Variants in FSHR observed in about 807,000 individuals in gnomAD.
FSHR encodes the protein follicle stimulating hormone receptor.
In FSHR, 46 loss-of-function variants were observed where a neutral mutation model predicts 52.1. The ratio of observed to expected loss-of-function variants is 0.88; its 90% CI spans 0.70 to 1.13. FSHR has a LOEUF of 1.13. Among genes scored for constraint, FSHR ranks in the 50% most tolerant of loss-of-function variants. The pLI, the probability that FSHR is intolerant of heterozygous loss-of-function variation, is 0.00. For synonymous variants in FSHR, 399 were observed against 309.6 expected, an observed-to-expected ratio of 1.29 and a Z score of -3.03; for missense variants, 964 against 834.6, an observed-to-expected ratio of 1.16 and a Z score of -1.91.
intron 2 of FSHR, among the ~76,000 whole-genome samples, chr2:49,059,313 A>G (rs1220853817): frequency 6.6e-6 from 1 of 152,196 alleles, no homozygotes; most frequent in East Asian, 1.9e-4. Flanking sequence ...CTGCATGGCC[A>G]AAGTAAGCCT....
intron 2 of FSHR, among the ~76,000 whole-genome samples, chr2:49,058,144 C>T (rs1669135925): frequency 6.6e-6 from 1 of 152,128 alleles, no homozygotes; most frequent in Admixed American, 6.5e-5. Flanking sequence ...TCTTATGTAA[C>T]ATAGTATTGA....
intron 6 of FSHR, 44 bp from the exon 7 acceptor site, chr2:48,983,210 A>G (rs771449297): frequency 1.9e-6 from 3 of 1,558,362 alleles, no homozygotes; most frequent in South Asian, 2.2e-5. Flanking sequence ...GTCAGATGCA[A>G]ACAATACACG....
intron 8 of FSHR, among the ~76,000 whole-genome samples, chr2:48,973,344 G>C (rs1316030156): frequency 6.8e-6 from 1 of 146,366 alleles, no homozygotes; most frequent in Non-Finnish European, 1.5e-5. Flanking sequence ...ATAAGTGATG[G>C]GGACTACTTG....
intron 2 of FSHR, among the ~76,000 whole-genome samples, chr2:49,029,519 C>A (rs1668026740): frequency 6.6e-6 from 1 of 152,184 alleles, no homozygotes; most frequent in Non-Finnish European, 1.5e-5. Context: ...ATCACTTTGG[C>A]AAATCACTGG....
intron 2 of FSHR, among the ~76,000 whole-genome samples, chr2:49,059,179 G>C (rs1307965777): frequency 1.3e-5 from 2 of 151,948 alleles, no homozygotes; most frequent in Non-Finnish European, 2.9e-5. Flanking sequence ...TCACACTCCT[G>C]CCTGACTAAG....
intron 2 of FSHR, among the ~76,000 whole-genome samples, chr2:49,038,493 G>T (rs1032242280): frequency 1.5e-4 from 22 of 151,468 alleles, no homozygotes; most frequent in African/African-American, 2.2e-4. Flanking sequence ...GGCGTGGTGG[G>T]GAGCACCTGT....
chr2:49,138,290 T>G (rs1056360901), intron 1 of FSHR, among the ~76,000 whole-genome samples: 1 of 152,172 alleles, frequency 6.6e-6, no homozygotes, highest in Non-Finnish European at 1.5e-5. Context: ...CTCAGCCACT[T>G]TGGAAAAATA....
At chr2:49,116,645 C>G (rs967957225) in intron 1 of FSHR, among the ~76,000 whole-genome samples, 3 of 152,156 alleles carry the variant, frequency 2.0e-5, no homozygotes, top group African/African-American at 7.2e-5. Flanking sequence ...TCTTAACCTC[C>G]ATGTATGTAG....
intron 1 of FSHR, among the ~76,000 whole-genome samples, chr2:49,128,897 A>G (rs990718813): frequency 1.3e-5 from 2 of 152,158 alleles, no homozygotes; most frequent in East Asian, 1.9e-4. Context: ...TAATGGTTCA[A>G]TTTTTCAGAA....
At chr2:48,965,558 C>G (rs1308376127) in intron 9 of FSHR, among the ~76,000 whole-genome samples, 1 of 152,030 alleles carries the variant, frequency 6.6e-6, no homozygotes, top group Non-Finnish European at 1.5e-5. Context: ...ACTCTTAAAC[C>G]CTGTTACTGA....
intron 2 of FSHR, among the ~76,000 whole-genome samples, chr2:49,045,820 C>T (rs975597162): frequency 6.6e-6 from 1 of 152,056 alleles, no homozygotes; most frequent in African/African-American, 2.4e-5. Context: ...AAATATTGAG[C>T]AAAAACATGT....
At chr2:49,104,229 G>T (rs764096354) in intron 1 of FSHR, among the ~76,000 whole-genome samples, 1 of 152,092 alleles carries the variant, frequency 6.6e-6, no homozygotes, top group Non-Finnish European at 1.5e-5. Flanking sequence ...CTTTTCTTCA[G>T]CCTCTCAGCA....
chr2:49,024,129 A>G (rs888693757), intron 2 of FSHR, among the ~76,000 whole-genome samples: 3 of 152,264 alleles, frequency 2.0e-5, no homozygotes, highest in African/African-American at 7.2e-5. Flanking sequence ...GACTTATTGG[A>G]TACAAAGAAC....
At chr2:49,010,512 G>A (rs992636359) in intron 4 of FSHR, among the ~76,000 whole-genome samples, 89 of 152,120 alleles carry the variant, frequency 5.9e-4, no homozygotes, top group South Asian at 1.2e-3. Context: ...GTCTCTGCCC[G>A]GCTTTGGTAT....
chr2:49,152,388 C>A (rs977129794), intron 1 of FSHR, among the ~76,000 whole-genome samples: 6 of 152,110 alleles, frequency 3.9e-5, no homozygotes, highest in East Asian at 1.9e-4. Context: ...GTCATTTATA[C>A]CTTAGCATTA....
Position 48,983,201 on chromosome 2 carries a change from T to C in FSHR, c.525-35A>G, listed in dbSNP as rs184839217. 1.5e-5 allele frequency: 24 copies of C among 1,582,948 alleles called. No individual in the cohort carries two copies. The East Asian group carries it at 5.1e-4, about 34-fold the overall frequency. On this transcript the variant is annotated intron_variant, in intron 6 of 9. Transcript: ENST00000406846. ...AAGGCCTATTAAAAAACCAATAATG[T>C]CAGATGCAAACAATACACGGGTTTC...
chr2:48,973,820 C>T (rs184421775), intron 8 of FSHR, among the ~76,000 whole-genome samples: 7 of 152,278 alleles, frequency 4.6e-5, no homozygotes, highest in East Asian at 1.9e-4. Flanking sequence ...TGATGTTCTC[C>T]GACTTCCAGA....
intron 4 of FSHR, among the ~76,000 whole-genome samples, chr2:48,994,663 G>A (rs1675941865): frequency 6.6e-6 from 1 of 152,050 alleles, no homozygotes; most frequent in African/African-American, 2.4e-5. Flanking sequence ...AATCAGCTAG[G>A]AACTGTATGT....
At chr2:49,067,247 G>T (rs1669540711) in intron 2 of FSHR, among the ~76,000 whole-genome samples, 1 of 152,058 alleles carries the variant, frequency 6.6e-6, no homozygotes, top group Non-Finnish European at 1.5e-5. Context: ...TAAGCAGGTG[G>T]CTTAATTGCT....
Sources: allele counts gnomAD v4.1 joint callset (sites outside exome capture counted in the v4.1 genomes callset), GRCh38; gene constraint gnomAD v4.1.1; transcripts MANE v1.5; gene names NCBI Gene and HGNC (gene_info 2026-07-23, HGNC 2026-07-21).